Variants in GDI2 observed in about 807,000 individuals in gnomAD.
The protein encoded by GDI2 is GDP dissociation inhibitor 2.
In GDI2, 22 loss-of-function variants were observed where a neutral mutation model predicts 54.2. That is an observed-to-expected ratio of 0.41 (90% CI 0.29 to 0.58). The LOEUF is 0.58. Among genes scored for constraint, GDI2 ranks in the 20% least tolerant of loss-of-function variants. GDI2 has a pLI of 0.35. For missense variants in GDI2, 422 were observed against 546.0 expected, an observed-to-expected ratio of 0.77 and a Z score of 2.26; for synonymous variants, 177 against 182.1, an observed-to-expected ratio of 0.97 and a Z score of 0.23.
rs558993643 is a variant in GDI2 at position 5,802,395 on chromosome 10, T to C, written c.46-1690A>G. On this transcript the variant is annotated intron_variant, in intron 1 of 10. Coordinates refer to ENST00000380191, the MANE Select transcript of GDI2 (RefSeq NM_001494.4). ...GCGGGTGGATCACAAGGTCAGGAGA[T>C]TGAGACCATCCTGGCCAACATGGTG... 1.4e-3 allele frequency among the ~76,000 whole-genome samples: 220 copies of C among 152,154 alleles called. 1 individual carries two copies. The highest frequency in any genetic ancestry group is 5.1e-3 in the African/African-American group (211 of 41,512).
intron 2 of GDI2, among the ~76,000 whole-genome samples, chr10:5,799,341 A>G (rs938238701): frequency 6.6e-6 from 1 of 152,198 alleles, no homozygotes; most frequent in Non-Finnish European, 1.5e-5. Context: ...TGTCTCTTAA[A>G]AACAAACAAC....
chr10:5,813,295 A>C lies in GDI2; in HGVS notation c.-37T>G. On this transcript the variant is annotated 5_prime_UTR_variant, in exon 1 of 11. Transcript: ENST00000380191. ...CGCGGACGCAGGACCCGAGCAAGGA[A>C]AAGGCGCAGGGGCTCCGTGACCACC... The C allele has an allele frequency of 6.6e-7, 1 of 1,522,624 alleles. No individual in the cohort carries two copies. The highest frequency in any genetic ancestry group is 8.9e-7 in the Non-Finnish European group (1 of 1,118,420). 94.3% of individuals were successfully genotyped at this position (1,522,624 alleles called of 1,614,324 possible).
At chr10:5,788,527 C>T (rs192773772) in intron 4 of GDI2, among the ~76,000 whole-genome samples, 729 of 152,082 alleles carry the variant, frequency 4.8e-3, no homozygotes, top group Non-Finnish European at 7.8e-3. Context: ...TTCCCTGGGC[C>T]ACGTTGGAAG....
At chr10:5,789,404 GA>G in intron 4 of GDI2, among the ~76,000 whole-genome samples, 1 of 151,756 alleles carries the variant, frequency 6.6e-6, no homozygotes, top group East Asian at 1.9e-4. Flanking sequence ...CCGGCCAAAT[GA>G]TTTTTTTTTT....
intron 4 of GDI2, among the ~76,000 whole-genome samples, chr10:5,788,741 T>C (rs1420341598): frequency 6.6e-6 from 1 of 151,178 alleles, no homozygotes; most frequent in African/African-American, 2.4e-5. Flanking sequence ...ATAAATGTAC[T>C]GAAAAAATTT....
Position 5,776,882 on chromosome 10 carries a change from G to C in GDI2, c.720-2941C>G. The C allele has an allele frequency of 1.0e-6, 1 of 973,986 alleles. No individual in the cohort carries two copies. The highest frequency in any genetic ancestry group is 1.9e-5 in the South Asian group (1 of 51,668). The allele number at this position is 973,986 out of a possible 1,614,324, so 60.3% of individuals were successfully genotyped here. On this transcript the variant is annotated intron_variant, in intron 6 of 10. Transcript: ENST00000380191. This position sits in a 1 kb window ranked among gnomAD's most constrained non-coding sequence, Gnocchi z 5.3. The stretch of plus-strand genomic sequence containing the variant: ...AATTAAAATGGAAGGCCAGAGAAGA[G>C]GGGAGAAGAGGAAATAATGCGAAAA...
In GDI2 at chr10:5,774,007, T is replaced by C. The variant is rs1840559443; in HGVS notation, c.720-66A>G. The C allele has an allele frequency of 2.8e-6, 2 of 708,566 alleles. No homozygotes were observed. Among genetic ancestry groups the C allele is most frequent in the East Asian group, 2.5e-5 (1 of 39,582 alleles). The allele number at this position is 708,566 out of a possible 1,614,324, so 43.9% of individuals were successfully genotyped here. On this transcript the variant is annotated intron_variant, in intron 6 of 10. Coordinates refer to ENST00000380191, the MANE Select transcript of GDI2 (RefSeq NM_001494.4). This position sits in a 1 kb window ranked among gnomAD's most constrained non-coding sequence, Gnocchi z 4.8. Reference sequence around the variant, plus strand: ...TTTCAACTCCTAAAGTCCCCTTTCTTAGATCTTAATGAGTTACAGACAATA... The same window carrying C: ...TTTCAACTCCTAAAGTCCCCTTTCTCAGATCTTAATGAGTTACAGACAATA...
intron 1 of GDI2, among the ~76,000 whole-genome samples, chr10:5,805,160 C>T (rs2131720279): frequency 6.6e-6 from 1 of 152,030 alleles, no homozygotes; most frequent in African/African-American, 2.4e-5. Context: ...GAGTGTATGG[C>T]TAACCCTGCA....
At chr10:5,805,465 T>G (rs1186500266) in intron 1 of GDI2, among the ~76,000 whole-genome samples, 1 of 149,452 alleles carries the variant, frequency 6.7e-6, no homozygotes, top group African/African-American at 2.5e-5. Flanking sequence ...CACTGCAGCC[T>G]CAACCTCCAG....
chr10:5,772,958 AACCTGG>A (rs918766494), intron 7 of GDI2, among the ~76,000 whole-genome samples: 4 of 152,156 alleles, frequency 2.6e-5, no homozygotes, highest in African/African-American at 9.7e-5. Context: ...CTCCAGGTAT[AACCTGG>A]ACATAATACC....
Position 5,773,968 on chromosome 10 carries a change from A to G in GDI2, c.720-27T>C, listed in dbSNP as rs895685228. The stretch of plus-strand genomic sequence containing the variant: ...TGGAAAATTTTTAAAATCCCAATTA[A>G]TAATATATAGTTGTTTCAACTCCTA... On this transcript the variant is annotated intron_variant, in intron 6 of 10. Transcript: ENST00000380191. 5 of 922,854 alleles carry G rather than the reference A, an allele frequency of 5.4e-6. No homozygotes were observed. In the Admixed American group the frequency reaches 8.3e-5, roughly 15 times the overall value. 57.2% of individuals were successfully genotyped at this position (922,854 alleles called of 1,614,324 possible).
intron 4 of GDI2, 115 bp from the exon 5 acceptor site, chr10:5,786,165 ATTTTT>A (rs35328258): frequency 2.8e-4 from 108 of 385,870 alleles, no homozygotes; most frequent in Non-Finnish European, 3.4e-4. Flanking sequence ...GCAGGATGCA[ATTTTT>A]TTTTTTTTTT....
Position 5,766,498 on chromosome 10 carries a change from G to C in GDI2, c.1132C>G (p.Gln378Glu). The C allele has an allele frequency of 6.2e-7, 1 of 1,613,330 alleles. No individual in the cohort carries two copies. The highest frequency in any genetic ancestry group is 8.5e-7 in the Non-Finnish European group (1 of 1,179,930). Residue 378 changes from glutamine to glutamate, a missense_variant, in exon 9 of 11, where the codon CAG becomes GAG. Physicochemically the swap from Gln to Glu is conservative, Grantham distance 29. Transcript: ENST00000380191. The surrounding 1 kb of genome is among the most constrained non-coding windows in gnomAD (Gnocchi z 5.8). ...ATATAAAAGAACACAACTCACTTCT[G>C]TTCAATTGGTTCCAAGAGCTCCAAA... ...PALELLEPIEQKFVSISDLLV... is the reference protein window; with the variant it reads ...PALELLEPIEEKFVSISDLLV...
intron 1 of GDI2, among the ~76,000 whole-genome samples, chr10:5,802,161 T>A (rs1841284833): frequency 2.0e-5 from 3 of 152,208 alleles, no homozygotes; most frequent in South Asian, 2.1e-4. Flanking sequence ...CGCTTTTTTT[T>A]ATGAATAATC....
intron 4 of GDI2, among the ~76,000 whole-genome samples, chr10:5,786,319 C>T (rs999654123): frequency 4.6e-5 from 7 of 151,918 alleles, no homozygotes; most frequent in South Asian, 2.1e-4. Context: ...TATAGGCAAC[C>T]GCCATTACGC....
At position 5,777,383 on chromosome 10, in the gene GDI2, G is replaced by A. The variant is rs183647936; in HGVS notation, c.720-3442C>T. Among the ~76,000 whole-genome samples, 80 of 152,296 alleles carry A rather than the reference G, an allele frequency of 5.3e-4. No homozygotes were observed. The South Asian group carries it at 0.016, about 31-fold the overall frequency. On this transcript the variant is annotated intron_variant, in intron 6 of 10. Coordinates refer to ENST00000380191, the MANE Select transcript of GDI2 (RefSeq NM_001494.4). The stretch of plus-strand genomic sequence containing the variant: ...AGCTACTCAGGAGGCTGAAGTGAGA[G>A]AATCGCTTGAACCCAGGAGGCGGAG...
At chr10:5,775,701 T>C (rs1840602512) in intron 6 of GDI2, among the ~76,000 whole-genome samples, 1 of 152,202 alleles carries the variant, frequency 6.6e-6, no homozygotes, top group Non-Finnish European at 1.5e-5. Flanking sequence ...TCAAAGAGGT[T>C]AGCAGAGATT....
intron 2 of GDI2, among the ~76,000 whole-genome samples, chr10:5,797,366 G>A (rs1294702873): frequency 3.3e-5 from 5 of 152,010 alleles, no homozygotes; most frequent in African/African-American, 4.8e-5. Flanking sequence ...CCAAGATGGT[G>A]AAACCCCATC....
Position 5,776,717 on chromosome 10 carries a change from G to T in GDI2, c.720-2776C>A. 6.8e-7 allele frequency: 1 copy of T among 1,473,416 alleles called. No homozygotes were observed. The highest frequency in any genetic ancestry group is 9.5e-7 in the Non-Finnish European group (1 of 1,057,906). 91.3% of individuals were successfully genotyped at this position (1,473,416 alleles called of 1,614,324 possible). On this transcript the variant is annotated intron_variant, in intron 6 of 10. Coordinates refer to ENST00000380191, the MANE Select transcript of GDI2 (RefSeq NM_001494.4). This position sits in a 1 kb window ranked among gnomAD's most constrained non-coding sequence, Gnocchi z 5.3. ...GCCGCCACATTCAGAAACTGCTACAGCCTCTTTAACCTGGCAGAAGTTTGC... is the reference window on the plus strand; with the variant it reads ...GCCGCCACATTCAGAAACTGCTACATCCTCTTTAACCTGGCAGAAGTTTGC...
Sources: allele counts gnomAD v4.1 joint callset (sites outside exome capture counted in the v4.1 genomes callset), GRCh38; gene constraint gnomAD v4.1.1; non-coding constraint Gnocchi (gnomAD v3.1); transcripts MANE v1.5; gene names NCBI Gene and HGNC (gene_info 2026-07-23, HGNC 2026-07-21).